IL4R: variants seen among roughly 807,000 people sequenced by gnomAD.
The protein encoded by IL4R is interleukin 4 receptor, also known as interleukin-4 receptor subunit alpha.
A neutral mutation model predicts 41.5 loss-of-function variants in IL4R; 17 were observed. The observed-to-expected ratio is 0.41, with a 90% CI of 0.28 to 0.61. IL4R has a LOEUF of 0.61. Among genes scored for constraint, IL4R ranks in the 20% least tolerant of loss-of-function variants. IL4R has a pLI of 0.31. For synonymous variants in IL4R, 402 were observed against 422.9 expected (o/e 0.95, Z 0.61); for missense variants, 974 against 1,043.1 (o/e 0.93, Z 0.91).
chr16:27,355,328 A>T (rs2086023250), intron 7 of IL4R: 4 of 300,240 alleles, frequency 1.3e-5, no homozygotes, highest in South Asian at 8.4e-5. Context: ...CCGTGTTGAG[A>T]TGATGGCAGC....
Position 27,344,887 on chromosome 16 carries a change from T to C in IL4R, c.228T>C (p.Pro76=), listed in dbSNP as rs775017923. The change falls in exon 5 of 11, where the codon CCT becomes CCC. Residue 76 remains proline (P), a synonymous_variant. Coordinates refer to ENST00000395762, the MANE Select transcript of IL4R (RefSeq NM_000418.4). Reference sequence around the variant, plus strand: ...TCTGCAGAGCCCACACGTGTATCCCTGAGAACAACGGAGGCGCGGGGTGCG... The same window carrying C: ...TCTGCAGAGCCCACACGTGTATCCCCGAGAACAACGGAGGCGCGGGGTGCG... ...FLLSEAHTCI[P]ENNGGAGCVC... 1.2e-6 allele frequency: 2 copies of C among 1,614,184 alleles called. No homozygotes were observed. Among genetic ancestry groups the C allele is most frequent in the Non-Finnish European group, 1.7e-6 (2 of 1,180,026 alleles).
chr16:27,320,184 A>G (rs2084772809), intron 1 of IL4R, among the ~76,000 whole-genome samples: 1 of 152,196 alleles, frequency 6.6e-6, no homozygotes, highest in African/African-American at 2.4e-5. Flanking sequence ...CGTGCTTCTT[A>G]TGAGACTCTA....
chr16:27,350,509 CT>C (rs1469226626), intron 6 of IL4R, among the ~76,000 whole-genome samples: 4 of 151,924 alleles, frequency 2.6e-5, no homozygotes, highest in African/African-American at 9.7e-5. Context: ...CCCAAATGTG[CT>C]TCCAACCACA....
intron 7 of IL4R, chr16:27,355,241 A>C (rs3024634): frequency 1.8e-5 from 5 of 284,504 alleles, no homozygotes; most frequent in African/African-American, 1.1e-4. Flanking sequence ...AGCGATGGGC[A>C]GGGGGCAACG....
rs763770991 is a variant in IL4R, at chr16:27,362,399, A to G, written c.1047A>G (p.Thr349=). 4 of 1,614,144 alleles carry G rather than the reference A, an allele frequency of 2.5e-6. No individual in the cohort carries two copies. The South Asian group carries it at 4.4e-5, about 18-fold the overall frequency. ...SAWCPVEISK[T]VLWPESISVV... is the part of the protein sequence containing the mutation. ...GGTGCCCAGTGGAGATCAGCAAGAC[A>G]GTCCTCTGGCCAGAGAGCATCAGCG... is the stretch of plus-strand genomic sequence containing the variant. Residue 349 remains threonine, a synonymous_variant, in exon 11 of 11, where the codon ACA becomes ACG. Coordinates refer to ENST00000395762, the MANE Select transcript of IL4R (RefSeq NM_000418.4).
At chr16:27,329,414 T>C (rs6498013) in intron 1 of IL4R, among the ~76,000 whole-genome samples, 52,471 of 152,026 alleles carry the variant, frequency 0.35, 9,383 homozygotes, top group East Asian at 0.51. Flanking sequence ...CAGTGGCTCA[T>C]GCCTGTAATC....
chr16:27,345,045 G>T lies in IL4R; in HGVS notation c.361+25G>T. On this transcript the variant is annotated intron_variant, in intron 5 of 10. Coordinates refer to ENST00000395762, the MANE Select transcript of IL4R (RefSeq NM_000418.4). This position sits in a 1 kb window ranked among gnomAD's most constrained non-coding sequence, Gnocchi z 4.5. ...GGTGAGCAGGGCGGAGTGCGGCAGGGGTGGCTGGGTGTGTTCCCACAGCTG... is the reference window on the plus strand; with the variant it reads ...GGTGAGCAGGGCGGAGTGCGGCAGGTGTGGCTGGGTGTGTTCCCACAGCTG... 1 of 1,603,898 alleles carries T rather than the reference G, an allele frequency of 6.2e-7. No homozygotes were observed. The highest frequency in any genetic ancestry group is 8.5e-7 in the Non-Finnish European group (1 of 1,175,858).
intron 9 of IL4R, among the ~76,000 whole-genome samples, chr16:27,359,552 A>T (rs575456616): frequency 3.9e-5 from 6 of 152,256 alleles, no homozygotes; most frequent in East Asian, 3.9e-4. Context: ...GGGGGATTAT[A>T]GGTCCTGTCT....
Position 27,345,851 on chromosome 16 carries a change from AATC to A in IL4R, c.362-615_362-613del, listed in dbSNP as rs1247164045. On this transcript the variant is annotated intron_variant, in intron 5 of 10. Coordinates refer to ENST00000395762, the MANE Select transcript of IL4R (RefSeq NM_000418.4). The surrounding 1 kb of genome is among the most constrained non-coding windows in gnomAD (Gnocchi z 4.5). ...GTCTGGCATGGTGGCAGGCGCCTGT[AATC>A]CCAGCTACTTGGGAGGCTGAGGTAG... Among the ~76,000 whole-genome samples, 3 of 152,190 alleles carry A rather than the reference AATC, an allele frequency of 2.0e-5. No homozygotes were observed. The highest frequency in any genetic ancestry group is 2.9e-5 in the Non-Finnish European group (2 of 68,028).
At position 27,361,919 on chromosome 16, in the gene IL4R, T is replaced by TC. The variant is rs538094566; in HGVS notation, c.900-333_900-332insC. On this transcript the variant is annotated intron_variant, in intron 10 of 10. Coordinates refer to ENST00000395762, the MANE Select transcript of IL4R (RefSeq NM_000418.4). ...ACAGGCGTGAGCCACCGCACCCGGC[T>TC]TCCATATCCTTTCTAATTGGTCATG... Among the ~76,000 whole-genome samples the TC allele has an allele frequency of 3.9e-4, 60 of 152,286 alleles. 1 individual carries two copies. The South Asian group carries it at 0.012, about 32-fold the overall frequency.
chr16:27,360,703 G>A (rs2086251924), intron 9 of IL4R, 63 bp from the exon 10 acceptor site: 1 of 1,609,586 alleles, frequency 6.2e-7, no homozygotes, highest in South Asian at 1.1e-5. Context: ...CCTGAGCATT[G>A]CCGTACTCCA....
intron 1 of IL4R, chr16:27,318,905 CAT>C (rs1169766160): frequency 6.6e-5 from 10 of 152,224 alleles, no homozygotes; most frequent in Non-Finnish European, 1.5e-4. Context: ...CACGCGCTCA[CAT>C]ATCTCGAGTG....
Position 27,363,537 on chromosome 16 carries a change from G to C in IL4R, c.2185G>C (p.Gly729Arg), listed in dbSNP as rs577197467. The stretch of plus-strand genomic sequence containing the variant: ...GTGCGGCCACCTGAAACAGTGTCAT[G>C]GCCAGGAGGATGGTGGCCAGACCCC... ...HLCGHLKQCH[G>R]QEDGGQTPVM... is the part of the protein sequence containing the mutation. The change falls in exon 11 of 11, where the codon GGC becomes CGC. Residue 729 changes from glycine to arginine, a missense_variant. Around this residue, in one of 3 missense-constraint regions of IL4R, gnomAD observed 682 missense variants for 704.3 expected, o/e 0.97. Coordinates refer to ENST00000395762, the MANE Select transcript of IL4R (RefSeq NM_000418.4). The C allele has an allele frequency of 5.6e-6, 9 of 1,614,170 alleles. No individual in the cohort carries two copies. In the African/African-American group the frequency reaches 1.1e-4, roughly 19 times the overall value.
chr16:27,313,979 C>T lies in IL4R; in HGVS notation c.-193C>T, dbSNP rs35311840. On this transcript the variant is annotated 5_prime_UTR_variant, in exon 1 of 11. Coordinates refer to ENST00000395762, the MANE Select transcript of IL4R (RefSeq NM_000418.4). Reference sequence around the variant, plus strand: ...GGGCCACCCAGGGGTCCCCCACTTCCCGCTTGGGCGCCCGGACGGCGAATG... The same window carrying T: ...GGGCCACCCAGGGGTCCCCCACTTCTCGCTTGGGCGCCCGGACGGCGAATG... 10,526 of 984,894 alleles carry T rather than the reference C, an allele frequency of 0.011. 64 individuals carry two copies. Among genetic ancestry groups the T allele is most frequent in the Middle Eastern group, 0.025 (47 of 1,908 alleles). The allele number at this position is 984,894 out of a possible 1,614,324, so 61.0% of individuals were successfully genotyped here. A position where few individuals can be genotyped will look rare whatever the true frequency, so the allele number is the denominator to read the frequency against.
chr16:27,331,766 G>GTAATAGTAATAATACTATTATTATCCAA (rs2085117469), intron 2 of IL4R, among the ~76,000 whole-genome samples: 2 of 152,010 alleles, frequency 1.3e-5, no homozygotes, highest in African/African-American at 2.4e-5. Flanking sequence ...AAGAGTTGAA[G>GTAATAGTAATAATACTATTATTATCCAA]TAATAGTAAT....
At position 27,363,140 on chromosome 16, in the gene IL4R, TC is replaced by T; in HGVS notation, c.1793del (p.Pro598GlnfsTer89). 6.2e-7 allele frequency: 1 copy of T among 1,613,476 alleles called. No individual in the cohort carries two copies. The highest frequency in any genetic ancestry group is 8.5e-7 in the Non-Finnish European group (1 of 1,179,818). ...TQASAVVGLGPPGEAGYKAFS... is the reference protein window; with the variant it reads ...TQASAVVGLGXPGEAGYKAFS... ...AGGCCAGTGCGGTGGTGGGCTTGGG[TC>T]CCCCAGGAGAGGCTGGTTACAAGGC... On this transcript the variant is annotated frameshift_variant, in exon 11 of 11. Transcript: ENST00000395762. LOFTEE classifies it low-confidence loss of function (END_TRUNC).
intron 2 of IL4R, among the ~76,000 whole-genome samples, chr16:27,332,934 C>T (rs928807284): frequency 2.0e-5 from 3 of 151,850 alleles, no homozygotes; most frequent in Admixed American, 6.6e-5. Flanking sequence ...ATATGTTATT[C>T]GGAAGTGTGT....
rs768733279 is a variant in IL4R at position 27,363,129 on chromosome 16, G to A, written c.1777G>A (p.Val593Met). 5 of 1,613,952 alleles carry A rather than the reference G, an allele frequency of 3.1e-6. No homozygotes were observed. The highest frequency in any genetic ancestry group is 4.2e-6 in the Non-Finnish European group (5 of 1,179,962). ...GGGTGGCACCCAGGCCAGTGCGGTG[G>A]TGGGCTTGGGTCCCCCAGGAGAGGC... The part of the protein sequence containing the change: ...EQGGTQASAV[V>M]GLGPPGEAGY... The change falls in exon 11 of 11, where the codon GTG (valine) becomes ATG (methionine). Residue 593 changes from valine (V) to methionine (M), a missense_variant. Around this residue, in one of 3 missense-constraint regions of IL4R, gnomAD observed 682 missense variants for 704.3 expected, o/e 0.97. Transcript: ENST00000395762.
intron 6 of IL4R, among the ~76,000 whole-genome samples, chr16:27,351,120 G>A (rs1596522532): frequency 6.6e-6 from 1 of 152,270 alleles, no homozygotes; most frequent in Non-Finnish European, 1.5e-5. Context: ...AGTTTCATCT[G>A]AGGCTCAATT....
Sources: gnomAD v4.1 joint callset for allele counts (sites outside exome capture counted in the v4.1 genomes callset) on GRCh38, gnomAD v4.1.1 for gene constraint, gnomAD v4.1.1 regional missense constraint, Gnocchi (gnomAD v3.1) non-coding constraint, MANE v1.5 for transcripts, NCBI Gene and HGNC (gene_info 2026-07-23, HGNC 2026-07-21) for gene names.